The following MIX23 variants were observed in gnomAD, a reference collection of about 807,000 sequenced individuals.
The protein encoded by MIX23 is mitochondrial matrix import factor 23.
MIX23 carries 13 observed loss-of-function variants against 21.6 expected under a neutral mutation model. The ratio of observed to expected loss-of-function variants is 0.60; its 90% CI spans 0.39 to 0.96. The LOEUF is 0.96. Ranked by LOEUF, MIX23 falls within the 40% of genes least tolerant of loss-of-function variation. The pLI is 0.00. For missense variants in MIX23, 144 were observed against 171.2 expected (o/e 0.84, Z 0.89); for synonymous variants, 59 against 58.0 (o/e 1.02, Z -0.08).
chr3:122,378,220 T>G (rs1276945646), intron 1 of MIX23, among the ~76,000 whole-genome samples: 1 of 152,260 alleles, frequency 6.6e-6, no homozygotes. Context: ...GATTACATCG[T>G]TTGACATTTC....
rs755906879 is a variant in MIX23 at position 122,383,213 on chromosome 3, G to A, written c.12C>T (p.Pro4=). Residue 4 remains proline, a synonymous_variant, in exon 1 of 5, where the codon CCC becomes CCT. Coordinates refer to ENST00000291458, the MANE Select transcript of MIX23 (RefSeq NM_001017928.4). MAA[P]SGGVNCEEFA... ...ACTCCTCACAGTTCACACCGCCACT[G>A]GGCGCCGCCATATTGGACAAACACG... The A allele has an allele frequency of 3.7e-6, 6 of 1,612,832 alleles. No individual in the cohort carries two copies. The highest frequency in any genetic ancestry group is 4.5e-5 in the East Asian group (2 of 44,902).
In MIX23 at chr3:122,380,408, T is replaced by A. The variant is rs77654626; in HGVS notation, c.51+2766A>T. The stretch of plus-strand genomic sequence containing the variant: ...TGCCAGAGTCCTCTAACACCCAGCA[T>A]CCCCAGGACAGGAATAGAAAGCAGC... On this transcript the variant is annotated intron_variant, in intron 1 of 4. Coordinates refer to ENST00000291458, the MANE Select transcript of MIX23 (RefSeq NM_001017928.4). 5.5e-3 allele frequency among the ~76,000 whole-genome samples: 840 copies of A among 152,148 alleles called. 7 individuals are homozygous for A. Among genetic ancestry groups the A allele is most frequent in the Non-Finnish European group, 8.7e-3 (589 of 68,024 alleles).
chr3:122,372,000 G>A (rs2075445266), intron 1 of MIX23, among the ~76,000 whole-genome samples, 200 bp from the exon 2 acceptor site: 2 of 152,116 alleles, frequency 1.3e-5, no homozygotes, highest in East Asian at 1.9e-4. Context: ...CTAACAGTGG[G>A]CACCAACTCT....
At chr3:122,360,982 T>C (rs187596178) in intron 4 of MIX23, among the ~76,000 whole-genome samples, 2 of 152,306 alleles carry the variant, frequency 1.3e-5, no homozygotes, top group East Asian at 3.9e-4. Context: ...TAGCTGGGAC[T>C]ACAGGCACCC....
intron 1 of MIX23, among the ~76,000 whole-genome samples, chr3:122,377,973 A>C (rs972216753): frequency 6.6e-6 from 1 of 152,262 alleles, no homozygotes; most frequent in African/African-American, 2.4e-5. Context: ...AATGTGGCTT[A>C]AGTACACAGA....
At chr3:122,361,831 A>G (rs2075361000) in intron 4 of MIX23, among the ~76,000 whole-genome samples, 1 of 152,228 alleles carries the variant, frequency 6.6e-6, no homozygotes, top group Non-Finnish European at 1.5e-5. Flanking sequence ...GAAATGTGAT[A>G]AAGCAAAGAA....
intron 1 of MIX23, among the ~76,000 whole-genome samples, chr3:122,377,570 C>G (rs1220120299): frequency 6.6e-6 from 1 of 152,134 alleles, no homozygotes; most frequent in Non-Finnish European, 1.5e-5. Context: ...TATATGGGGC[C>G]AGGTGTGGTA....
At chr3:122,377,674 C>A (rs1300910214) in intron 1 of MIX23, among the ~76,000 whole-genome samples, 1 of 152,092 alleles carries the variant, frequency 6.6e-6, no homozygotes, top group African/African-American at 2.4e-5. Context: ...CACAGTAAGA[C>A]TCTGTCTCAA....
chr3:122,373,611 T>C (rs1215642208), intron 1 of MIX23, among the ~76,000 whole-genome samples: 4 of 152,180 alleles, frequency 2.6e-5, no homozygotes, highest in Non-Finnish European at 4.4e-5. Flanking sequence ...AAGTATTCTA[T>C]CCTGTTCAAG....
At chr3:122,363,814 A>C (rs2075377095) in intron 3 of MIX23, among the ~76,000 whole-genome samples, 1 of 148,690 alleles carries the variant, frequency 6.7e-6, no homozygotes, top group Non-Finnish European at 1.5e-5. Context: ...AAAGTAGCCA[A>C]TTCCATTGCC....
Position 122,366,945 on chromosome 3 carries a change from A to C in MIX23, c.324+1231T>G, listed in dbSNP as rs77874071. Among the ~76,000 whole-genome samples, 87 of 66,552 alleles carry C rather than the reference A, an allele frequency of 1.3e-3. No individual in the cohort carries two copies. The South Asian group carries it at 0.015, about 11-fold the overall frequency. 43.7% of individuals were successfully genotyped at this position (66,552 alleles called of 152,430 possible). A position where few individuals can be genotyped will look rare whatever the true frequency, so the allele number is the denominator to read the frequency against. ...AGAGTGAGACCCCATCTCAAAAAACAAAAAAAAAACCATGATTTTGATAAT... is the reference window on the plus strand; with the variant it reads ...AGAGTGAGACCCCATCTCAAAAAACCAAAAAAAAACCATGATTTTGATAAT... On this transcript the variant is annotated intron_variant, in intron 3 of 4. Coordinates refer to ENST00000291458, the MANE Select transcript of MIX23 (RefSeq NM_001017928.4).
chr3:122,363,312 C>A (rs1206198110), intron 3 of MIX23, among the ~76,000 whole-genome samples: 1 of 147,784 alleles, frequency 6.8e-6, no homozygotes, highest in African/African-American at 2.6e-5. Flanking sequence ...AGAAGACATA[C>A]AAAAGGCCAG....
chr3:122,373,235 T>C (rs1223938251), intron 1 of MIX23, among the ~76,000 whole-genome samples: 2 of 152,078 alleles, frequency 1.3e-5, no homozygotes, highest in Non-Finnish European at 2.9e-5. Context: ...CAAGACATTA[T>C]ATTATGAGCA....
chr3:122,365,164 G>T (rs1311170741), intron 3 of MIX23, among the ~76,000 whole-genome samples: 1 of 152,160 alleles, frequency 6.6e-6, no homozygotes, highest in Non-Finnish European at 1.5e-5. Flanking sequence ...CAGCAACGAA[G>T]GTGCTTTTTT....
At chr3:122,378,218 C>T (rs1471131141) in intron 1 of MIX23, among the ~76,000 whole-genome samples, 1 of 152,206 alleles carries the variant, frequency 6.6e-6, no homozygotes, top group Non-Finnish European at 1.5e-5. Flanking sequence ...AAGATTACAT[C>T]GTTTGACATT....
chr3:122,363,078 A>C (rs182651357), intron 3 of MIX23, 51 bp from the exon 4 acceptor site: 768 of 1,482,334 alleles, frequency 5.2e-4, no homozygotes, highest in Admixed American at 1.5e-3. Context: ...GCAAGAAAAA[A>C]AACTGAAGTT....
At chr3:122,369,207 A>C (rs62271967) in intron 2 of MIX23, among the ~76,000 whole-genome samples, 1,882 of 152,346 alleles carry the variant, frequency 0.012, 15 homozygotes, top group Non-Finnish European at 0.021. Context: ...GTAAAGCTAG[A>C]AAAATGTCAT....
chr3:122,363,626 T>C (rs1371224703), intron 3 of MIX23, among the ~76,000 whole-genome samples: 3 of 151,580 alleles, frequency 2.0e-5, no homozygotes. Flanking sequence ...AGTGCAAACC[T>C]GACCTGAATA....
chr3:122,383,212 T>A lies in MIX23; in HGVS notation c.13A>T (p.Ser5Cys). 2 of 1,612,928 alleles carry A rather than the reference T, an allele frequency of 1.2e-6. No homozygotes were observed. The highest frequency in any genetic ancestry group is 1.7e-6 in the Non-Finnish European group (2 of 1,180,020). MAAP[S>C]GGVNCEEFAE... ...AACTCCTCACAGTTCACACCGCCAC[T>A]GGGCGCCGCCATATTGGACAAACAC... The change falls in exon 1 of 5, where the codon AGT becomes TGT. Residue 5 changes from serine (S) to cysteine (C), a missense_variant. Ser to Cys is a moderately radical substitution (Grantham distance 112, BLOSUM62 -1). Coordinates refer to ENST00000291458, the MANE Select transcript of MIX23 (RefSeq NM_001017928.4).
Sources: allele counts gnomAD v4.1 joint callset (sites outside exome capture counted in the v4.1 genomes callset), GRCh38; gene constraint gnomAD v4.1.1; transcripts MANE v1.5; gene names NCBI Gene and HGNC (gene_info 2026-07-23, HGNC 2026-07-21).